The following ZNF799 variants were observed in gnomAD, a reference collection of about 807,000 sequenced individuals.
ZNF799 encodes zinc finger protein 14.
A neutral mutation model predicts 41.0 loss-of-function variants in ZNF799; 28 were observed. That is an observed-to-expected ratio of 0.68 (90% CI 0.51 to 0.94). ZNF799 has a LOEUF of 0.94. ZNF799 is among the 40% of genes least tolerant of loss of function. The pLI, the probability that ZNF799 is intolerant of heterozygous loss-of-function variation, is 0.00. For missense variants in ZNF799, 716 were observed against 764.3 expected, an observed-to-expected ratio of 0.94 and a Z score of 0.74; for synonymous variants, 213 against 252.9, an observed-to-expected ratio of 0.84 and a Z score of 1.50.
chr19:12,397,656 C>G (rs911537463), intron 1 of ZNF799, among the ~76,000 whole-genome samples: 39 of 150,232 alleles, frequency 2.6e-4, no homozygotes, highest in South Asian at 8.5e-4. Flanking sequence ...ATAGACTCCT[C>G]AGTTAAAATA....
At chr19:12,393,493 T>C (rs1969855953) in intron 1 of ZNF799, 70 bp from the exon 2 acceptor site, 1 of 1,224,220 alleles carries the variant, frequency 8.2e-7, no homozygotes, top group African/African-American at 1.6e-5. Flanking sequence ...ACTCACTTCA[T>C]AAATTTCACA....
At position 12,390,605 on chromosome 19, in the gene ZNF799, G is replaced by T; in HGVS notation, c.1793C>A (p.Ala598Asp). ...YECKECGKAF[A>D]SLSSLHRHKK... ...ATGTCTATGCAAGGAACTGAGAGAA[G>T]CAAATGCTTTCCCACATTCCTTACA... Residue 598 changes from alanine (A) to aspartate (D), a missense_variant, in exon 4 of 4, where the codon GCT (alanine) becomes GAT (aspartate). By Grantham distance (126) the Ala-to-Asp change is moderately radical. Around this residue, in one of 2 missense-constraint regions of ZNF799, gnomAD observed 698 missense variants for 713.6 expected, o/e 0.98. Transcript: ENST00000430385. 1 of 1,613,636 alleles carries T rather than the reference G, an allele frequency of 6.2e-7. No homozygotes were observed. The highest frequency in any genetic ancestry group is 1.3e-5 in the African/African-American group (1 of 74,890).
chr19:12,397,129 G>T (rs1205120206), intron 1 of ZNF799, among the ~76,000 whole-genome samples: 3 of 152,178 alleles, frequency 2.0e-5, no homozygotes, highest in Non-Finnish European at 4.4e-5. Context: ...GTTAAATTGG[G>T]TGGGAGGGAG....
chr19:12,397,564 C>CAAAAAAAAA (rs1163640631), intron 1 of ZNF799, among the ~76,000 whole-genome samples: 1 of 65,496 alleles, frequency 1.5e-5, no homozygotes. Flanking sequence ...GACCCTGTCT[C>CAAAAAAAAA]AAAAAAAAAA....
At chr19:12,402,296 C>G (rs1196538750), upstream of ZNF799, among the ~76,000 whole-genome samples, 1 of 152,076 alleles carries the variant, frequency 6.6e-6, no homozygotes, top group Non-Finnish European at 1.5e-5. Context: ...GAATTTATTT[C>G]TCAGTTCTAA....
At chr19:12,397,928 A>G (rs1252977549) in intron 1 of ZNF799, among the ~76,000 whole-genome samples, 1 of 152,160 alleles carries the variant, frequency 6.6e-6, no homozygotes, top group Non-Finnish European at 1.5e-5. Context: ...AAAGGTATGA[A>G]AAAATATACT....
chr19:12,413,253 AC>A, the ZNF799 span, among the ~76,000 whole-genome samples: 1 of 152,092 alleles, frequency 6.6e-6, no homozygotes, highest in Non-Finnish European at 1.5e-5. Flanking sequence ...AATGTTTATA[AC>A]CTCTGAATTG....
chr19:12,404,927 G>A (rs1033790921), upstream of ZNF799, among the ~76,000 whole-genome samples: 1 of 152,174 alleles, frequency 6.6e-6, no homozygotes, highest in Non-Finnish European at 1.5e-5. Flanking sequence ...TGCCAAAAGA[G>A]ATTAACATTT....
the ZNF799 span, among the ~76,000 whole-genome samples, chr19:12,408,022 T>C: frequency 0.032 from 4,894 of 152,068 alleles, 260 homozygotes; most frequent in African/African-American, 0.11. Context: ...TTGGGCATGG[T>C]GGCACAAACT....
At chr19:12,414,949 C>T in the ZNF799 span, among the ~76,000 whole-genome samples, 50 of 152,258 alleles carry the variant, frequency 3.3e-4, 1 homozygote, top group East Asian at 7.2e-3. Context: ...TTCTTCAACA[C>T]TTTAAATGTT....
chr19:12,403,693 C>T (rs745517878), upstream of ZNF799, among the ~76,000 whole-genome samples: 87 of 152,098 alleles, frequency 5.7e-4, no homozygotes, highest in Non-Finnish European at 1.0e-3. Context: ...GCTGAGATTA[C>T]AGGCACCCAC....
At chr19:12,393,051 T>C (rs1252775435) in intron 2 of ZNF799, among the ~76,000 whole-genome samples, 2 of 146,870 alleles carry the variant, frequency 1.4e-5, no homozygotes, top group Non-Finnish European at 3.0e-5. Context: ...TAATACGACA[T>C]AAAATATATG....
At chr19:12,392,562 C>T (rs367749854) in intron 3 of ZNF799, 41 bp downstream of exon 3, 32 of 1,492,412 alleles carry the variant, frequency 2.1e-5, no homozygotes, top group East Asian at 1.4e-4. Context: ...ATTCTCAGAA[C>T]GGCTCCAGGG....
intron 1 of ZNF799, among the ~76,000 whole-genome samples, chr19:12,397,072 G>A (rs1969905988): frequency 6.6e-6 from 1 of 152,162 alleles, no homozygotes; most frequent in African/African-American, 2.4e-5. Context: ...TATCAACAAT[G>A]TATTGGGTGG....
rs138877704 is a variant in ZNF799 at position 12,395,940 on chromosome 19, C to T, written c.4-2517G>A. On this transcript the variant is annotated intron_variant, in intron 1 of 3. Coordinates refer to ENST00000430385, the MANE Select transcript of ZNF799 (RefSeq NM_001080821.3). The stretch of plus-strand genomic sequence containing the variant: ...TCTCTGCCAGAACACTGGATGAACA[C>T]ACACTAAAGAACAGAGATGTCAGTT... Among the ~76,000 whole-genome samples, 497 of 152,326 alleles carry T rather than the reference C, an allele frequency of 3.3e-3. 2 individuals carry two copies. Among genetic ancestry groups the T allele is most frequent in the African/African-American group, 0.012 (486 of 41,562 alleles).
At chr19:12,413,160 T>A in the ZNF799 span, among the ~76,000 whole-genome samples, 28 of 151,384 alleles carry the variant, frequency 1.8e-4, no homozygotes, top group African/African-American at 6.8e-4. Context: ...TCAAAAAGGA[T>A]CCTGATTCGT....
In ZNF799 at chr19:12,401,112, C is replaced by T; in HGVS notation, c.-42G>A. The T allele has an allele frequency of 1.9e-6, 3 of 1,613,528 alleles. No individual in the cohort carries two copies. The highest frequency in any genetic ancestry group is 1.1e-5 in the South Asian group (1 of 91,060). On this transcript the variant is annotated 5_prime_UTR_variant, in exon 1 of 4. Transcript: ENST00000430385. Reference sequence around the variant, plus strand: ...TGTCCCAGGTCCTCCGGACGGCTCCCGCTGCCAATGCGGGTTCCCGCGGGA... The same window carrying T: ...TGTCCCAGGTCCTCCGGACGGCTCCTGCTGCCAATGCGGGTTCCCGCGGGA...
At position 12,390,388 on chromosome 19, in the gene ZNF799, A is replaced by G. The variant is rs1969788549; in HGVS notation, c.*78T>C. The stretch of plus-strand genomic sequence containing the variant: ...GCTTACATTCACAGGGTCTATCTCC[A>G]ATGTGTTTCGTACAAGTATCTGAAA... On this transcript the variant is annotated 3_prime_UTR_variant, in exon 4 of 4. Transcript: ENST00000430385. 3.1e-5 allele frequency: 49 copies of G among 1,600,090 alleles called. 1 individual carries two copies. In the Middle Eastern group the frequency reaches 6.7e-4, roughly 22 times the overall value.
chr19:12,398,815 ATAC>A (rs1272907290), intron 1 of ZNF799, among the ~76,000 whole-genome samples: 2 of 152,190 alleles, frequency 1.3e-5, no homozygotes. Flanking sequence ...GGTAGTAGTT[ATAC>A]TACTAAGTCC....
Sources: gnomAD v4.1 joint callset for allele counts (sites outside exome capture counted in the v4.1 genomes callset) on GRCh38, gnomAD v4.1.1 for gene constraint, gnomAD v4.1.1 regional missense constraint, MANE v1.5 for transcripts, NCBI Gene and HGNC (gene_info 2026-07-23, HGNC 2026-07-21) for gene names.